GRIA1: variants seen among roughly 807,000 people sequenced by gnomAD.
The protein encoded by GRIA1 is glutamate receptor 1.
In GRIA1, 31 loss-of-function variants were observed where a neutral mutation model predicts 99.2. The observed-to-expected ratio is 0.31, with a 90% CI of 0.23 to 0.42. The LOEUF (loss-of-function observed/expected upper bound fraction) is 0.42. GRIA1 is among the 10% of genes least tolerant of loss of function. GRIA1 has a pLI of 1.00. For missense variants in GRIA1, 782 were observed against 1,157.5 expected (o/e 0.68, Z 4.71); for synonymous variants, 438 against 432.4 (o/e 1.01, Z -0.16).
chr5:153,594,412 C>T (rs1318859399), intron 2 of GRIA1, among the ~76,000 whole-genome samples: 8 of 152,082 alleles, frequency 5.3e-5, no homozygotes, highest in African/African-American at 7.2e-5. Context: ...CCTTCAACTT[C>T]GTCTTTCAGT....
intron 2 of GRIA1, among the ~76,000 whole-genome samples, chr5:153,570,492 G>A (rs1581246213): frequency 6.6e-6 from 1 of 152,104 alleles, no homozygotes; most frequent in Non-Finnish European, 1.5e-5. Context: ...GTGTCTTAAA[G>A]GCTAGGCTTT....
intron 14 of GRIA1, among the ~76,000 whole-genome samples, chr5:153,801,840 G>A (rs746018682): frequency 2.7e-5 from 4 of 149,248 alleles, no homozygotes; most frequent in Admixed American, 6.8e-5. Flanking sequence ...AATTGAAATC[G>A]AATGCACATC....
intron 11 of GRIA1, among the ~76,000 whole-genome samples, chr5:153,715,639 A>T (rs1245629507): frequency 6.6e-6 from 1 of 152,084 alleles, no homozygotes; most frequent in African/African-American, 2.4e-5. Flanking sequence ...ACACACTGTA[A>T]ATGCTGTTGT....
chr5:153,535,027 T>A (rs934925786), intron 2 of GRIA1, among the ~76,000 whole-genome samples: 9 of 152,140 alleles, frequency 5.9e-5, no homozygotes, highest in Admixed American at 4.6e-4. Flanking sequence ...GTTCAAGCAA[T>A]TCTCCTGCCA....
At chr5:153,707,836 TG>T (rs1759026711) in intron 11 of GRIA1, among the ~76,000 whole-genome samples, 1 of 151,162 alleles carries the variant, frequency 6.6e-6, no homozygotes, top group Admixed American at 6.6e-5. Context: ...GGGGGGCGCG[TG>T]GGAGAGGAGG....
chr5:153,631,681 T>C (rs1277712370), intron 2 of GRIA1, among the ~76,000 whole-genome samples: 1 of 152,190 alleles, frequency 6.6e-6, no homozygotes, highest in East Asian at 1.9e-4. Context: ...ATACATGTGC[T>C]TCACAGTGTT....
At chr5:153,559,599 C>G (rs1760945306) in intron 2 of GRIA1, among the ~76,000 whole-genome samples, 1 of 152,076 alleles carries the variant, frequency 6.6e-6, no homozygotes, top group African/African-American at 2.4e-5. Context: ...ACTGTATGTG[C>G]TATACTTTTA....
At chr5:153,588,025 A>G (rs1361389948) in intron 2 of GRIA1, among the ~76,000 whole-genome samples, 1 of 152,202 alleles carries the variant, frequency 6.6e-6, no homozygotes, top group Non-Finnish European at 1.5e-5. Flanking sequence ...GCATTAAGGT[A>G]TCGAATGGAG....
intron 2 of GRIA1, among the ~76,000 whole-genome samples, chr5:153,507,899 C>A (rs892319928): frequency 4.6e-5 from 7 of 152,178 alleles, no homozygotes; most frequent in Admixed American, 1.3e-4. Flanking sequence ...CCTAGTGTTG[C>A]CACAAACATG....
chr5:153,674,690 G>T, intron 6 of GRIA1, 29 bp downstream of exon 6: 3 of 1,610,534 alleles, frequency 1.9e-6, no homozygotes, highest in Non-Finnish European at 2.5e-6. Context: ...AGCAGCAAAG[G>T]GCCAGCCTGG....
At chr5:153,584,415 G>A (rs948813373) in intron 2 of GRIA1, among the ~76,000 whole-genome samples, 28 of 152,128 alleles carry the variant, frequency 1.8e-4, no homozygotes, top group African/African-American at 5.3e-4. Flanking sequence ...ATTGGTTGTC[G>A]TGCCCAATTT....
chr5:153,515,232 C>T (rs1756499299), intron 2 of GRIA1, among the ~76,000 whole-genome samples: 1 of 152,082 alleles, frequency 6.6e-6, no homozygotes, highest in African/African-American at 2.4e-5. Flanking sequence ...CCTAAATGCC[C>T]ATCAACAGAT....
At chr5:153,770,467 A>T in intron 13 of GRIA1, 52 bp downstream of exon 13, 1 of 1,542,248 alleles carries the variant, frequency 6.5e-7, no homozygotes. Context: ...TCCCTATCTC[A>T]GGAATGAAGC....
chr5:153,675,927 G>C (rs1756539353), intron 6 of GRIA1, among the ~76,000 whole-genome samples: 1 of 151,672 alleles, frequency 6.6e-6, no homozygotes, highest in East Asian at 1.9e-4. Context: ...CATGATCTCG[G>C]CTCACTGCAA....
chr5:153,743,200 G>A (rs1761930120), intron 11 of GRIA1, among the ~76,000 whole-genome samples: 1 of 152,118 alleles, frequency 6.6e-6, no homozygotes, highest in South Asian at 2.1e-4. Flanking sequence ...TCAAATGGCA[G>A]ACACAAAAAA....
chr5:153,721,887 C>T (rs1760096163), intron 11 of GRIA1, among the ~76,000 whole-genome samples: 1 of 152,070 alleles, frequency 6.6e-6, no homozygotes, highest in South Asian at 2.1e-4. Flanking sequence ...AGTGGAATTC[C>T]TGGGTCAACT....
At chr5:153,579,639 T>G (rs1262791902) in intron 2 of GRIA1, among the ~76,000 whole-genome samples, 3 of 152,214 alleles carry the variant, frequency 2.0e-5, no homozygotes, top group African/African-American at 7.2e-5. Flanking sequence ...ATACAGTCCT[T>G]TGCTACTTTT....
chr5:153,514,307 C>T (rs1378581653), intron 2 of GRIA1, among the ~76,000 whole-genome samples: 2 of 152,158 alleles, frequency 1.3e-5, no homozygotes, highest in South Asian at 2.1e-4. Flanking sequence ...TTTCTCCAGT[C>T]GTTTTACAAT....
intron 4 of GRIA1, among the ~76,000 whole-genome samples, chr5:153,652,713 G>A (rs901330201): frequency 1.3e-5 from 2 of 152,204 alleles, no homozygotes; most frequent in Non-Finnish European, 2.9e-5. Context: ...TGAAAAGTAA[G>A]ACCAAAGAGT....
Sources: allele counts gnomAD v4.1 joint callset (sites outside exome capture counted in the v4.1 genomes callset), GRCh38; gene constraint gnomAD v4.1.1; transcripts MANE v1.5; gene names NCBI Gene and HGNC (gene_info 2026-07-23, HGNC 2026-07-21).